Variants in AFAP1 observed in about 807,000 individuals in gnomAD.
AFAP1 encodes the protein actin filament associated protein 1, also known as actin filament-associated protein 1.
A neutral mutation model predicts 93.9 loss-of-function variants in AFAP1; 75 were observed. The observed-to-expected ratio is 0.80, with a 90% CI of 0.66 to 0.97. The LOEUF is 0.97. Among genes scored for constraint, AFAP1 ranks in the 50% least tolerant of loss-of-function variants. AFAP1 has a pLI of 0.00. For missense variants in AFAP1, 1,201 were observed against 1,050.8 expected, an observed-to-expected ratio of 1.14 and a Z score of -1.98; for synonymous variants, 517 against 430.7, an observed-to-expected ratio of 1.20 and a Z score of -2.48.
chr4:7,919,263 G>A (rs1420211795), intron 1 of AFAP1, among the ~76,000 whole-genome samples: 6 of 152,192 alleles, frequency 3.9e-5, no homozygotes, highest in Admixed American at 6.5e-5. Context: ...CTGGAAAGCC[G>A]AAGCCTGGCT....
chr4:7,922,185 A>G (rs986350170), intron 1 of AFAP1, among the ~76,000 whole-genome samples: 7 of 152,252 alleles, frequency 4.6e-5, no homozygotes, highest in Non-Finnish European at 8.8e-5. Context: ...TTCACTCTCC[A>G]GGACCTTTTG....
intron 5 of AFAP1, chr4:7,842,902 T>C (rs940833786): frequency 2.5e-5 from 13 of 518,368 alleles, no homozygotes; most frequent in Non-Finnish European, 4.1e-5. Flanking sequence ...ATGATTTTGT[T>C]CGCTGGCTGC....
chr4:7,916,038 C>T lies in AFAP1; in HGVS notation c.-3+23618G>A, dbSNP rs906124146. Among the ~76,000 whole-genome samples the T allele has an allele frequency of 2.6e-5, 4 of 152,176 alleles. No homozygotes were observed. In the East Asian group the frequency reaches 7.7e-4, roughly 29 times the overall value. On this transcript the variant is annotated intron_variant, in intron 1 of 17. Coordinates refer to ENST00000420658, the MANE Select transcript of AFAP1 (RefSeq NM_001134647.2). Reference sequence around the variant, plus strand: ...CCTCACTTACGCAATCACCAGTCCCCACCTGCTGGGGAGAGGCACTTCCTC... The same window carrying T: ...CCTCACTTACGCAATCACCAGTCCCTACCTGCTGGGGAGAGGCACTTCCTC...
chr4:7,837,350 G>A (rs1161547883), intron 6 of AFAP1, among the ~76,000 whole-genome samples: 3 of 152,120 alleles, frequency 2.0e-5, no homozygotes, highest in Non-Finnish European at 4.4e-5. Flanking sequence ...TGAGGGCAGA[G>A]CCCCCATGAA....
chr4:7,851,710 G>A (rs187137433), intron 4 of AFAP1, among the ~76,000 whole-genome samples: 8 of 152,232 alleles, frequency 5.3e-5, no homozygotes, highest in East Asian at 3.9e-4. Context: ...TGGAAAATCC[G>A]ACTCCAGGTA....
chr4:7,808,623 T>C (rs755902343), intron 9 of AFAP1, among the ~76,000 whole-genome samples: 12 of 152,182 alleles, frequency 7.9e-5, no homozygotes, highest in Non-Finnish European at 1.3e-4. Context: ...GGTTCGGTCA[T>C]TGGTATAGTT....
At position 7,910,602 on chromosome 4, in the gene AFAP1, G is replaced by A. The variant is rs1378783805; in HGVS notation, c.-3+29054C>T. On this transcript the variant is annotated intron_variant, in intron 1 of 17. Transcript: ENST00000420658. ...ACTCACGGATTCTGCTCACAACAGC[G>A]GGAGTAACAGACCAAAAGAAGAACT... is the stretch of plus-strand genomic sequence containing the variant. Among the ~76,000 whole-genome samples the A allele has an allele frequency of 6.6e-5, 10 of 152,270 alleles. No individual in the cohort carries two copies. The East Asian group carries it at 9.7e-4, about 15-fold the overall frequency.
In AFAP1 at chr4:7,781,510, A is replaced by T; in HGVS notation, c.1648T>A (p.Ser550Thr). Residue 550 changes from serine (S) to threonine (T), a missense_variant, in exon 13 of 18, where the codon TCT becomes ACT. Physicochemically the swap from Ser to Thr is moderately conservative, Grantham distance 58. Transcript: ENST00000420658. ...LPPPHIFARY[S>T]PADRKASRLS... is the part of the protein sequence containing the mutation. The stretch of plus-strand genomic sequence containing the variant: ...CTAGAGGCCTTTCTGTCAGCAGGAG[A>T]GTAGCGGGCAAAGATGTGCGGAGGC... 6.4e-7 allele frequency: 1 copy of T among 1,552,248 alleles called. No individual in the cohort carries two copies. Among genetic ancestry groups the T allele is most frequent in the Non-Finnish European group, 8.7e-7 (1 of 1,147,122 alleles).
At chr4:7,889,791 A>C (rs1468520204) in intron 1 of AFAP1, among the ~76,000 whole-genome samples, 2 of 150,868 alleles carry the variant, frequency 1.3e-5, no homozygotes, top group African/African-American at 4.8e-5. Context: ...TAAATATATT[A>C]GGATAAATTT....
Position 7,793,003 on chromosome 4 carries a change from T to C in AFAP1, c.1412+678A>G, listed in dbSNP as rs62289275. 4.6e-3 allele frequency among the ~76,000 whole-genome samples: 706 copies of C among 152,288 alleles called. 5 individuals are homozygous for C. The highest frequency in any genetic ancestry group is 7.2e-3 in the Non-Finnish European group (489 of 68,026). ...AAAAGGAAACAATGTCTTAGTATAT[T>C]ATGAAAATAATTTAACCCCGCAGAC... is the stretch of plus-strand genomic sequence containing the variant. On this transcript the variant is annotated intron_variant, in intron 11 of 17. Coordinates refer to ENST00000420658, the MANE Select transcript of AFAP1 (RefSeq NM_001134647.2).
At chr4:7,836,386 G>T (rs898914551) in intron 6 of AFAP1, among the ~76,000 whole-genome samples, 3 of 152,222 alleles carry the variant, frequency 2.0e-5, no homozygotes, top group Admixed American at 6.5e-5. Flanking sequence ...CAGAAAGCAG[G>T]TAAGTGGCTG....
intron 3 of AFAP1, among the ~76,000 whole-genome samples, chr4:7,857,096 A>G (rs552081948): frequency 6.0e-4 from 91 of 152,222 alleles, no homozygotes; most frequent in African/African-American, 2.1e-3. Context: ...AGCATGCAAC[A>G]ATTTCCCACT....
In AFAP1 at chr4:7,843,024, AC is replaced by A. The variant is rs1560193455; in HGVS notation, c.546+114del. ...GCGGCTAGCTCAGGGCACCTGGCTG[AC>A]ACCTGAGTGCTGCCCTTCCTGCACA... On this transcript the variant is annotated intron_variant, in intron 5 of 17. Transcript: ENST00000420658. The A allele has an allele frequency of 6.5e-5, 78 of 1,199,246 alleles. No homozygotes were observed. The African/African-American group carries it at 9.0e-4, about 14-fold the overall frequency. The allele number at this position is 1,199,246 out of a possible 1,614,324, so 74.3% of individuals were successfully genotyped here. A position where few individuals can be genotyped will look rare whatever the true frequency, so the allele number is the denominator to read the frequency against.
At chr4:7,829,589 C>CT (rs1446968392) in intron 6 of AFAP1, among the ~76,000 whole-genome samples, 1 of 152,230 alleles carries the variant, frequency 6.6e-6, no homozygotes, top group Non-Finnish European at 1.5e-5. Flanking sequence ...ACTGATACAA[C>CT]TGTAGGCTCT....
chr4:7,902,189 C>T (rs1197371481), intron 1 of AFAP1, among the ~76,000 whole-genome samples: 3 of 152,142 alleles, frequency 2.0e-5, no homozygotes, highest in Non-Finnish European at 4.4e-5. Context: ...GGTTAGGGGA[C>T]AGATAATAAT....
chr4:7,776,182 T>C (rs1221547787), intron 14 of AFAP1: 1 of 152,168 alleles, frequency 6.6e-6, no homozygotes, highest in Non-Finnish European at 1.5e-5. Flanking sequence ...CCCAAGTGTC[T>C]GACTCCCTCA....
chr4:7,808,881 G>A (rs1356902520), intron 9 of AFAP1, among the ~76,000 whole-genome samples: 2 of 152,122 alleles, frequency 1.3e-5, no homozygotes, highest in East Asian at 1.9e-4. Flanking sequence ...CTTGCCACGA[G>A]TAAAAGCTTC....
chr4:7,788,857 C>G (rs909932618), intron 11 of AFAP1: 12 of 152,478 alleles, frequency 7.9e-5, no homozygotes, highest in African/African-American at 2.9e-4. Flanking sequence ...AGGCACGTCT[C>G]TCACGGGCTT....
At chr4:7,933,001 CAG>C (rs893942553) in intron 1 of AFAP1, among the ~76,000 whole-genome samples, 9 of 106,410 alleles carry the variant, frequency 8.5e-5, no homozygotes, top group Non-Finnish European at 1.4e-4. Context: ...GCCTGGGCAA[CAG>C]AGTGAGACTC....
Sources: allele counts gnomAD v4.1 joint callset (sites outside exome capture counted in the v4.1 genomes callset), GRCh38; gene constraint gnomAD v4.1.1; transcripts MANE v1.5; gene names NCBI Gene and HGNC (gene_info 2026-07-23, HGNC 2026-07-21).